IMMP2L: variants seen among roughly 807,000 people sequenced by gnomAD.
IMMP2L encodes mitochondrial inner membrane protease subunit 2.
Under a neutral mutation model 19.3 loss-of-function variants are expected in IMMP2L, and 18 were observed. The observed-to-expected ratio is 0.93, with a 90% CI of 0.64 to 1.38. The LOEUF (loss-of-function observed/expected upper bound fraction) is 1.38, where lower values mean the gene tolerates loss of function less well. Among genes scored for constraint, IMMP2L ranks in the 40% most tolerant of loss-of-function variants. The probability of loss-of-function intolerance (pLI) is 0.00; values close to 1 mark genes in which losing one functional copy is unlikely to be tolerated. For missense variants in IMMP2L, 233 were observed against 218.2 expected (o/e 1.07, Z -0.43); for synonymous variants, 76 against 73.0 (o/e 1.04, Z -0.21).
At position 111,150,525 on chromosome 7, in the gene IMMP2L, A is replaced by G. The variant is rs146016349; in HGVS notation, c.240-186960T>C. On this transcript the variant is annotated intron_variant, in intron 3 of 5. Transcript: ENST00000405709. ...GGACAGAGTCTGACAGACATTTGCT[A>G]TAATTGGCTCTGCCACTGAGCTGGC... Among the ~76,000 whole-genome samples the G allele has an allele frequency of 3.5e-3, 534 of 152,338 alleles. 2 individuals are homozygous for G. Among genetic ancestry groups the G allele is most frequent in the African/African-American group, 0.012 (507 of 41,572 alleles).
chr7:110,766,323 G>C (rs567917779), intron 5 of IMMP2L, among the ~76,000 whole-genome samples: 90 of 152,234 alleles, frequency 5.9e-4, no homozygotes, highest in African/African-American at 1.9e-3. Flanking sequence ...GGGCGCAGTG[G>C]CTCAGGCCTG....
intron 3 of IMMP2L, among the ~76,000 whole-genome samples, chr7:110,998,795 A>C (rs1823314814): frequency 6.6e-6 from 1 of 152,150 alleles, no homozygotes; most frequent in African/African-American, 2.4e-5. Flanking sequence ...GTGTAATTCC[A>C]CTGTACACAA....
intron 5 of IMMP2L, among the ~76,000 whole-genome samples, chr7:110,675,643 A>G (rs1792245669): frequency 6.6e-6 from 1 of 152,226 alleles, no homozygotes; most frequent in Non-Finnish European, 1.5e-5. Flanking sequence ...GACCAATACA[A>G]AGTAATTTAC....
chr7:111,327,165 T>C (rs1446670902), intron 3 of IMMP2L, among the ~76,000 whole-genome samples: 1 of 151,796 alleles, frequency 6.6e-6, no homozygotes, highest in East Asian at 1.9e-4. Context: ...ACATTCTACT[T>C]ATATGAAGTA....
At position 111,124,112 on chromosome 7, in the gene IMMP2L, C is replaced by T. The variant is rs781439609; in HGVS notation, c.240-160547G>A. The T allele has an allele frequency of 6.8e-6, 11 of 1,614,074 alleles. No homozygotes were observed. Among genetic ancestry groups the T allele is most frequent in the South Asian group, 2.2e-5 (2 of 91,084 alleles). ...TATGTTTCCTTTCACTGTAGAGCTACTGCAGAACCACAGCCTGAAATCTAC... is the reference window on the plus strand; with the variant it reads ...TATGTTTCCTTTCACTGTAGAGCTATTGCAGAACCACAGCCTGAAATCTAC... On this transcript the variant is annotated intron_variant, in intron 3 of 5. Coordinates refer to ENST00000405709, the MANE Select transcript of IMMP2L (RefSeq NM_032549.4).
In IMMP2L at chr7:111,547,558, T is replaced by TTTATTTATTTATTTATTTAC. The variant is rs543273627; in HGVS notation, c.-3+14292_-3+14293insGTAAATAAATAAATAAATAA. Among the ~76,000 whole-genome samples, 80 of 149,542 alleles carry TTTATTTATTTATTTATTTAC rather than the reference T, an allele frequency of 5.3e-4. 2 individuals are homozygous for TTTATTTATTTATTTATTTAC. The highest frequency in any genetic ancestry group is 1.8e-3 in the African/African-American group (74 of 40,704). Reference sequence around the variant, plus strand: ...TTGCTTGTTTTTTTTTAATTTTTTATTTATTTAGGTTGGGGGAGACAGGGC... The same window carrying TTTATTTATTTATTTATTTAC: ...TTGCTTGTTTTTTTTTAATTTTTTATTTATTTATTTATTTATTTACTTATTTAGGTTGGGGGAGACAGGGC... On this transcript the variant is annotated intron_variant, in intron 1 of 5. Coordinates refer to ENST00000405709, the MANE Select transcript of IMMP2L (RefSeq NM_032549.4).
intron 3 of IMMP2L, among the ~76,000 whole-genome samples, chr7:111,383,732 G>C (rs1366491735): frequency 6.6e-6 from 1 of 152,062 alleles, no homozygotes; most frequent in Non-Finnish European, 1.5e-5. Flanking sequence ...AAAAACCCTA[G>C]TGACAAACTA....
chr7:111,016,640 T>G, intron 3 of IMMP2L, among the ~76,000 whole-genome samples: 1 of 109,148 alleles, frequency 9.2e-6, no homozygotes, highest in South Asian at 2.6e-4. Flanking sequence ...AATGCATATA[T>G]ATTATGTGCA....
At chr7:111,155,768 T>C (rs1227630659) in intron 3 of IMMP2L, among the ~76,000 whole-genome samples, 1 of 152,090 alleles carries the variant, frequency 6.6e-6, no homozygotes, top group East Asian at 1.9e-4. Flanking sequence ...ATAACATAGA[T>C]ATTGTAAAGT....
At chr7:110,700,811 T>C (rs1435721772) in intron 5 of IMMP2L, among the ~76,000 whole-genome samples, 3 of 152,240 alleles carry the variant, frequency 2.0e-5, no homozygotes, top group Non-Finnish European at 4.4e-5. Context: ...GCAAATTCAG[T>C]ATTAAATGCT....
chr7:110,883,455 T>C (rs1809900216), intron 5 of IMMP2L, among the ~76,000 whole-genome samples: 1 of 152,168 alleles, frequency 6.6e-6, no homozygotes, highest in Admixed American at 6.6e-5. Context: ...ATTAGCTCTT[T>C]TCCAAATGAC....
chr7:111,418,156 AT>A (rs1366364953), intron 3 of IMMP2L, among the ~76,000 whole-genome samples: 2 of 151,882 alleles, frequency 1.3e-5, no homozygotes, highest in Non-Finnish European at 2.9e-5. Flanking sequence ...GTCACTGACC[AT>A]CTTTTACGAA....
chr7:111,014,227 T>C lies in IMMP2L; in HGVS notation c.240-50662A>G, dbSNP rs145847375. 4.2e-3 allele frequency among the ~76,000 whole-genome samples: 633 copies of C among 152,126 alleles called. 22 individuals are homozygous for C. The highest frequency in any genetic ancestry group is 0.039 in the Admixed American group (592 of 15,266). On this transcript the variant is annotated intron_variant, in intron 3 of 5. Coordinates refer to ENST00000405709, the MANE Select transcript of IMMP2L (RefSeq NM_032549.4). ...AAAATTAGCCAGGCATTGTGGCGCA[T>C]GCCTGTAATCACAGCTACTCAGAAG...
chr7:110,937,899 C>T (rs188271857), intron 4 of IMMP2L, among the ~76,000 whole-genome samples: 10 of 152,270 alleles, frequency 6.6e-5, no homozygotes, highest in Non-Finnish European at 1.2e-4. Flanking sequence ...TCTACAAGAA[C>T]TTCACATACA....
intron 5 of IMMP2L, among the ~76,000 whole-genome samples, chr7:110,689,466 T>C (rs1304806292): frequency 1.3e-5 from 2 of 152,210 alleles, no homozygotes; most frequent in East Asian, 3.9e-4. Flanking sequence ...TACTTCTGTC[T>C]AATCTGCCTG....
chr7:111,155,661 T>G (rs1203340366), intron 3 of IMMP2L, among the ~76,000 whole-genome samples: 2 of 151,412 alleles, frequency 1.3e-5, no homozygotes, highest in Non-Finnish European at 2.9e-5. Flanking sequence ...CATGGAAATT[T>G]ATATGCAATT....
At chr7:111,116,503 A>C (rs922851532) in intron 3 of IMMP2L, among the ~76,000 whole-genome samples, 2 of 152,164 alleles carry the variant, frequency 1.3e-5, no homozygotes, top group African/African-American at 4.8e-5. Flanking sequence ...AACAATAACA[A>C]AAATAATTTT....
intron 5 of IMMP2L, among the ~76,000 whole-genome samples, chr7:110,788,843 ATC>A (rs1291663810): frequency 6.6e-6 from 1 of 151,762 alleles, no homozygotes; most frequent in Non-Finnish European, 1.5e-5. Flanking sequence ...ATGGTAGTAC[ATC>A]TGTTTCCTAT....
chr7:110,919,979 T>G (rs1227282932), intron 4 of IMMP2L, among the ~76,000 whole-genome samples: 3 of 152,194 alleles, frequency 2.0e-5, no homozygotes, highest in Non-Finnish European at 4.4e-5. Flanking sequence ...GGCCTTCATC[T>G]TCTGTGCTGG....
Sources: gnomAD v4.1 joint callset for allele counts (sites outside exome capture counted in the v4.1 genomes callset) on GRCh38, gnomAD v4.1.1 for gene constraint, MANE v1.5 for transcripts, NCBI Gene and HGNC (gene_info 2026-07-23, HGNC 2026-07-21) for gene names.